Variants in MSI2 observed in about 807,000 individuals in gnomAD.
MSI2 encodes musashi RNA binding protein 2.
Under a neutral mutation model 45.6 loss-of-function variants are expected in MSI2, and 17 were observed. The observed-to-expected ratio is 0.37, with a 90% confidence interval of 0.26 to 0.56. MSI2 has a LOEUF of 0.56. Among genes scored for constraint, MSI2 ranks in the 20% least tolerant of loss-of-function variants. The pLI is 0.77. For missense variants in MSI2, 293 were observed against 444.2 expected (o/e 0.66, Z 3.06); for synonymous variants, 156 against 158.2 (o/e 0.99, Z 0.11).
At chr17:57,499,235 G>A (rs554211543) in intron 6 of MSI2, among the ~76,000 whole-genome samples, 3 of 151,910 alleles carry the variant, frequency 2.0e-5, no homozygotes, top group Admixed American at 1.3e-4. Flanking sequence ...AATTAGCCAG[G>A]TGTGGTGGTG....
At chr17:57,451,827 C>T (rs2085024802) in intron 6 of MSI2, among the ~76,000 whole-genome samples, 1 of 152,196 alleles carries the variant, frequency 6.6e-6, no homozygotes, top group Non-Finnish European at 1.5e-5. Context: ...AAACTCTTCA[C>T]AACTGCTGCC....
chr17:57,423,334 A>G (rs1430334103), intron 6 of MSI2, among the ~76,000 whole-genome samples: 1 of 152,238 alleles, frequency 6.6e-6, no homozygotes, highest in Non-Finnish European at 1.5e-5. Context: ...ACACACAGTA[A>G]TAGAAGAAGC....
intron 7 of MSI2, among the ~76,000 whole-genome samples, chr17:57,594,837 C>G (rs1190905559): frequency 6.6e-6 from 1 of 152,196 alleles, no homozygotes; most frequent in Non-Finnish European, 1.5e-5. Context: ...CTCCAGCAGA[C>G]ACTCATGTCC....
intron 5 of MSI2, among the ~76,000 whole-genome samples, chr17:57,290,309 A>G (rs1910296300): frequency 6.6e-6 from 1 of 152,018 alleles, no homozygotes; most frequent in Non-Finnish European, 1.5e-5. Context: ...TTTTTAATTT[A>G]TTTTAGTTTT....
chr17:57,654,504 A>G (rs891068832), intron 11 of MSI2, among the ~76,000 whole-genome samples: 41 of 152,212 alleles, frequency 2.7e-4, no homozygotes, highest in African/African-American at 8.9e-4. Flanking sequence ...CTCCGTGGCA[A>G]AAGCTCTTTG....
intron 11 of MSI2, among the ~76,000 whole-genome samples, chr17:57,673,510 G>A (rs747207156): frequency 9.9e-5 from 15 of 152,176 alleles, no homozygotes; most frequent in Non-Finnish European, 1.6e-4. Flanking sequence ...CGGGTTAGCC[G>A]TAGCCCAAAG....
At position 57,637,299 on chromosome 17, in the gene MSI2, C is replaced by T. The variant is rs137923954; in HGVS notation, c.727+9996C>T. The stretch of plus-strand genomic sequence containing the variant: ...TGGCACACCCCAAACCCAGACCGAC[C>T]GCGGCACGAGGCTCGTCGGGGCTGT... On this transcript the variant is annotated intron_variant, in intron 10 of 13. Coordinates refer to ENST00000284073, the MANE Select transcript of MSI2 (RefSeq NM_138962.4). Among the ~76,000 whole-genome samples the T allele has an allele frequency of 5.9e-5, 9 of 152,326 alleles. 1 individual carries two copies. Among genetic ancestry groups the T allele is most frequent in the Admixed American group, 2.0e-4 (3 of 15,308 alleles).
chr17:57,308,460 G>A (rs980510623), intron 5 of MSI2, among the ~76,000 whole-genome samples: 2 of 152,186 alleles, frequency 1.3e-5, no homozygotes, highest in Admixed American at 6.5e-5. Context: ...GCTGAGAAAC[G>A]AAAGCATAGA....
Position 57,596,899 on chromosome 17 carries a change from T to C in MSI2, c.486T>C (p.Asp162=). 1 of 1,613,672 alleles carries C rather than the reference T, an allele frequency of 6.2e-7. No homozygotes were observed. Among genetic ancestry groups the C allele is most frequent in the Non-Finnish European group, 8.5e-7 (1 of 1,179,558 alleles). ...GCTTTGTCACTTTTGAGAATGAAGATGTTGTGGAGAAAGTCTGTGAGATTC... is the reference window on the plus strand; with the variant it reads ...GCTTTGTCACTTTTGAGAATGAAGACGTTGTGGAGAAAGTCTGTGAGATTC... ...GFGFVTFENE[D]VVEKVCEIHF... The change falls in exon 8 of 14, where the codon GAT becomes GAC. Residue 162 remains aspartate (D), a synonymous_variant. Transcript: ENST00000284073. This position sits in a 1 kb window ranked among gnomAD's most constrained non-coding sequence, Gnocchi z 4.6.
chr17:57,287,662 T>C (rs1421658279), intron 5 of MSI2, among the ~76,000 whole-genome samples: 1 of 152,170 alleles, frequency 6.6e-6, no homozygotes, highest in Non-Finnish European at 1.5e-5. Flanking sequence ...CGTGGGGCAT[T>C]GGAAAGCCCT....
chr17:57,291,256 G>A (rs759073868), intron 5 of MSI2, among the ~76,000 whole-genome samples: 4 of 152,140 alleles, frequency 2.6e-5, no homozygotes, highest in Non-Finnish European at 4.4e-5. Context: ...GCCAAGATTC[G>A]CTTATATGTT....
downstream of MSI2, among the ~76,000 whole-genome samples, chr17:57,687,191 T>C (rs1162637505): frequency 2.4e-5 from 2 of 84,634 alleles, no homozygotes; most frequent in Non-Finnish European, 4.5e-5. Flanking sequence ...GCCAAAGCTG[T>C]ACTCAAAATG....
chr17:57,696,986 C>T, the MSI2 span, among the ~76,000 whole-genome samples: 1 of 152,106 alleles, frequency 6.6e-6, no homozygotes, highest in Non-Finnish European at 1.5e-5. Context: ...GAGAATATTC[C>T]ATGGGACCAG....
chr17:57,425,087 T>C (rs1312281765), intron 6 of MSI2, among the ~76,000 whole-genome samples: 1 of 152,152 alleles, frequency 6.6e-6, no homozygotes, highest in East Asian at 1.9e-4. Context: ...AAGCCTTTCT[T>C]CCCAGGGTGG....
At chr17:57,388,981 C>CTTTTT (rs1251175262) in intron 5 of MSI2, among the ~76,000 whole-genome samples, 2 of 113,836 alleles carry the variant, frequency 1.8e-5, no homozygotes, top group African/African-American at 6.6e-5. Flanking sequence ...TCTTCTTCTT[C>CTTTTT]TTTTTTTTTT....
At chr17:57,674,277 G>A (rs1417670336) in intron 11 of MSI2, among the ~76,000 whole-genome samples, 1 of 149,956 alleles carries the variant, frequency 6.7e-6, no homozygotes, top group South Asian at 2.1e-4. Flanking sequence ...GTGGGGAGGG[G>A]CGGGTGGTGG....
At chr17:57,383,003 T>C (rs1002115293) in intron 5 of MSI2, among the ~76,000 whole-genome samples, 3 of 152,028 alleles carry the variant, frequency 2.0e-5, no homozygotes, top group African/African-American at 7.2e-5. Flanking sequence ...CAGAGAAGGT[T>C]TGAGGAAGAA....
At chr17:57,456,519 T>C (rs1279919574) in intron 6 of MSI2, among the ~76,000 whole-genome samples, 3 of 151,812 alleles carry the variant, frequency 2.0e-5, no homozygotes, top group African/African-American at 7.3e-5. Flanking sequence ...TGCTTGAACC[T>C]GGGAGGCAGA....
intron 3 of MSI2, 41 bp downstream of exon 3, chr17:57,257,588 A>T: frequency 7.0e-7 from 1 of 1,419,960 alleles, no homozygotes; most frequent in Non-Finnish European, 9.9e-7. Flanking sequence ...ATTTTAGAAC[A>T]AAGTTTAAGT....
Sources: gnomAD v4.1 joint callset for allele counts (sites outside exome capture counted in the v4.1 genomes callset) on GRCh38, gnomAD v4.1.1 for gene constraint, Gnocchi (gnomAD v3.1) non-coding constraint, MANE v1.5 for transcripts, NCBI Gene and HGNC (gene_info 2026-07-23, HGNC 2026-07-21) for gene names.